Variants in ALB observed in about 807,000 individuals in gnomAD.
ALB encodes the protein serum albumin.
A neutral mutation model predicts 74.5 loss-of-function variants in ALB; 37 were observed. That is an observed-to-expected ratio of 0.50 (90% confidence interval 0.38 to 0.65). The LOEUF (loss-of-function observed/expected upper bound fraction) is 0.65. Among genes scored for constraint, ALB ranks in the 30% least tolerant of loss-of-function variants. The probability of loss-of-function intolerance (pLI) is 0.00; values close to 1 mark genes in which losing one functional copy is unlikely to be tolerated. For missense variants in ALB, 685 were observed against 718.7 expected, an observed-to-expected ratio of 0.95 and a Z score of 0.54; for synonymous variants, 249 against 251.6, an observed-to-expected ratio of 0.99 and a Z score of 0.10.
At position 73,413,440 on chromosome 4, in the gene ALB, CTG is replaced by C; in HGVS notation, c.867_868del (p.Cys289Ter). ...DDRADLAKYI[C>X]ENQDSISSKL... is the part of the protein sequence containing the mutation. ...TATAGGCGGACCTTGCCAAGTATAT[CTG>C]TGAAAATCAAGATTCGATCTCCAGT... On this transcript the variant is annotated frameshift_variant, in exon 8 of 15. Coordinates refer to ENST00000295897, the MANE Select transcript of ALB (RefSeq NM_000477.7). LOFTEE classifies it high-confidence loss of function. 2 of 1,614,072 alleles carry C rather than the reference CTG, an allele frequency of 1.2e-6. No individual in the cohort carries two copies. Among genetic ancestry groups the C allele is most frequent in the Non-Finnish European group, 1.7e-6 (2 of 1,179,944 alleles).
intron 13 of ALB, among the ~76,000 whole-genome samples, chr4:73,419,914 A>G (rs1417880963): frequency 2.0e-5 from 3 of 152,210 alleles, no homozygotes; most frequent in African/African-American, 7.2e-5. Flanking sequence ...GGCCTGAAAT[A>G]TTTTGATCAT....
In ALB at chr4:73,418,217, A is replaced by G. The variant is rs148518742; in HGVS notation, c.1558A>G (p.Thr520Ala). ...PCFSALEVDE[T>A]YVPKEFNAET... is the part of the protein sequence containing the mutation. The stretch of plus-strand genomic sequence containing the variant: ...CTTTTCAGCTCTGGAAGTCGATGAA[A>G]CATACGTTCCCAAAGAGTTTAATGC... Residue 520 changes from threonine (T) to alanine (A), a missense_variant, in exon 12 of 15, where the codon ACA (threonine) becomes GCA (alanine). Physicochemically the swap from Thr to Ala is moderately conservative, Grantham distance 58. Transcript: ENST00000295897. 10 of 1,614,034 alleles carry G rather than the reference A, an allele frequency of 6.2e-6. No individual in the cohort carries two copies. In the African/African-American group the frequency reaches 1.3e-4, roughly 22 times the overall value.
chr4:73,414,523 G>A (rs990855307), intron 8 of ALB, among the ~76,000 whole-genome samples: 2 of 152,122 alleles, frequency 1.3e-5, no homozygotes, highest in Admixed American at 6.5e-5. Context: ...GAGTGCAATG[G>A]TGCCATCTCG....
intron 3 of ALB, 111 bp downstream of exon 3, chr4:73,406,872 A>G: frequency 7.7e-7 from 1 of 1,302,976 alleles, no homozygotes; most frequent in Non-Finnish European, 1.1e-6. Context: ...CCTGATTTGT[A>G]AGAAACACTA....
chr4:73,411,338 A>G (rs1022521937), intron 6 of ALB, among the ~76,000 whole-genome samples: 26 of 152,306 alleles, frequency 1.7e-4, no homozygotes. Flanking sequence ...CAACTGTGAA[A>G]TGACTAGAGA....
At chr4:73,409,327 G>A (rs1718809886) in intron 4 of ALB, 28 bp from the exon 5 acceptor site, 1 of 1,607,014 alleles carries the variant, frequency 6.2e-7, no homozygotes, top group Non-Finnish European at 8.5e-7. Context: ...CTATAGAAAA[G>A]TGACTGTTTT....
At chr4:73,419,743 G>T in intron 13 of ALB, 104 bp downstream of exon 13, 1 of 1,348,522 alleles carries the variant, frequency 7.4e-7, no homozygotes. Context: ...TTGTACATGT[G>T]GGACAGGGAT....
intron 7 of ALB, 147 bp downstream of exon 7, chr4:73,412,272 T>C (rs1718897469): frequency 4.0e-6 from 4 of 1,001,772 alleles, no homozygotes; most frequent in African/African-American, 3.2e-5. Flanking sequence ...TCCCTGCCTA[T>C]GGTGGTGGTA....
intron 10 of ALB, 58 bp downstream of exon 10, chr4:73,416,411 T>C (rs556010394): frequency 8.2e-7 from 1 of 1,225,826 alleles, no homozygotes; most frequent in East Asian, 2.5e-5. Context: ...TAAGACTTAA[T>C]ATATGAGCCA....
At position 73,416,290 on chromosome 4, in the gene ALB, A is replaced by T. The variant is rs750025891; in HGVS notation, c.1226A>T (p.Gln409Leu). 6.8e-6 allele frequency: 11 copies of T among 1,613,706 alleles called. No homozygotes were observed. Among genetic ancestry groups the T allele is most frequent in the Non-Finnish European group, 6.8e-6 (8 of 1,179,738 alleles). ...TTTAAACCTCTTGTGGAAGAGCCTC[A>T]GAATTTAATCAAACAAAATTGTGAG... ...DEFKPLVEEP[Q>L]NLIKQNCELF... is the part of the protein sequence containing the mutation. The change falls in exon 10 of 15, where the codon CAG (glutamine) becomes CTG (leucine). Residue 409 changes from glutamine (Q) to leucine (L), a missense_variant. Transcript: ENST00000295897.
chr4:73,412,135 C>T lies in ALB; in HGVS notation c.843+10C>T, dbSNP rs56379403. ...ATGTGCTGATGACAGGGTAAAGAGT[C>T]GTCGATATGCTTTTTGGTAGCTTGC... On this transcript the variant is annotated intron_variant, in intron 7 of 14. Coordinates refer to ENST00000295897, the MANE Select transcript of ALB (RefSeq NM_000477.7). 1.4e-3 allele frequency: 2,220 copies of T among 1,613,686 alleles called. 29 individuals carry two copies. In the African/African-American group the frequency reaches 0.027, roughly 20 times the overall value.
chr4:73,409,567 T>C, intron 5 of ALB, 80 bp downstream of exon 5: 2 of 1,563,392 alleles, frequency 1.3e-6, no homozygotes, highest in Non-Finnish European at 1.8e-6. Flanking sequence ...TTAGGGAACC[T>C]GAGTGTCTGA....
chr4:73,409,263 A>T (rs2149327596), intron 4 of ALB, 92 bp from the exon 5 acceptor site: 1 of 1,389,116 alleles, frequency 7.2e-7, no homozygotes. Flanking sequence ...TATCTTTGGA[A>T]TTTGGAGGTT....
Position 73,417,526 on chromosome 4 carries a change from T to G in ALB, c.1290-5T>G. The G allele has an allele frequency of 6.2e-7, 1 of 1,614,078 alleles. No individual in the cohort carries two copies. Among genetic ancestry groups the G allele is most frequent in the South Asian group, 1.1e-5 (1 of 91,090 alleles). On this transcript the variant is annotated splice_region_variant and splice_polypyrimidine_tract_variant and intron_variant, in intron 10 of 14. Coordinates refer to ENST00000295897, the MANE Select transcript of ALB (RefSeq NM_000477.7). ...TGCTGAAAACACATGACTTCTTTTT[T>G]TCAGGCTATTAGTTCGTTACACCAA...
chr4:73,419,490 TTTCCA>T lies in ALB; in HGVS notation c.1653-13_1653-9del, dbSNP rs759161733. On this transcript the variant is annotated splice_polypyrimidine_tract_variant and intron_variant, in intron 12 of 14. Transcript: ENST00000295897. Reference sequence around the variant, plus strand: ...GTTTTTTCTGTTTTTTTTTTTTCTTTTTCCATTCAAACTCAGTGCACTTGTTGAGC... The same window carrying T: ...GTTTTTTCTGTTTTTTTTTTTTCTTTTTCAAACTCAGTGCACTTGTTGAGC... The T allele has an allele frequency of 5.6e-6, 9 of 1,608,206 alleles. No homozygotes were observed. Among genetic ancestry groups the T allele is most frequent in the Non-Finnish European group, 7.6e-6 (9 of 1,178,114 alleles).
At chr4:73,419,871 G>A (rs1441319678) in intron 13 of ALB, among the ~76,000 whole-genome samples, 2 of 152,110 alleles carry the variant, frequency 1.3e-5, no homozygotes, top group Non-Finnish European at 2.9e-5. Flanking sequence ...CCAAATTTGT[G>A]ATGCTTATGA....
In ALB at chr4:73,408,683, T is replaced by A; in HGVS notation, c.360T>A (p.Pro120=). The A allele has an allele frequency of 6.2e-7, 1 of 1,613,994 alleles. No individual in the cohort carries two copies. The highest frequency in any genetic ancestry group is 1.6e-4 in the Middle Eastern group (1 of 6,062). Residue 120 remains proline, a synonymous_variant, in exon 4 of 15, where the codon CCT becomes CCA. Coordinates refer to ENST00000295897, the MANE Select transcript of ALB (RefSeq NM_000477.7). ...EMADCCAKQE[P]ERNECFLQHK... ...CTGACTGCTGTGCAAAACAAGAACC[T>A]GAGAGAAATGAATGCTTCTTGCAAC...
Position 73,410,308 on chromosome 4 carries a change from G to A in ALB, c.616-4G>A. On this transcript the variant is annotated splice_region_variant and splice_polypyrimidine_tract_variant and intron_variant, in intron 5 of 14. Coordinates refer to ENST00000295897, the MANE Select transcript of ALB (RefSeq NM_000477.7). The stretch of plus-strand genomic sequence containing the variant: ...AATTTTCATCAAATTATTCCTTTTT[G>A]TAGCTCGATGAACTTCGGGATGAAG... The A allele has an allele frequency of 1.2e-6, 2 of 1,611,802 alleles. No homozygotes were observed. Among genetic ancestry groups the A allele is most frequent in the Non-Finnish European group, 1.7e-6 (2 of 1,178,002 alleles).
At chr4:73,410,448 T>C in intron 6 of ALB, 39 bp downstream of exon 6, 2 of 1,405,424 alleles carry the variant, frequency 1.4e-6, no homozygotes, top group Non-Finnish European at 2.0e-6. Context: ...TTTATAACGA[T>C]GTAAATGATA....
Sources: gnomAD v4.1 joint callset for allele counts (sites outside exome capture counted in the v4.1 genomes callset) on GRCh38, gnomAD v4.1.1 for gene constraint, MANE v1.5 for transcripts, NCBI Gene and HGNC (gene_info 2026-07-23, HGNC 2026-07-21) for gene names.